The following SYNM variants were observed in gnomAD, a reference collection of about 807,000 sequenced individuals.
SYNM encodes desmuslin.
Under a neutral mutation model 104.0 loss-of-function variants are expected in SYNM, and 95 were observed. The observed-to-expected ratio is 0.91, with a 90% CI of 0.77 to 1.08. The LOEUF (loss-of-function observed/expected upper bound fraction) is 1.08, where lower values mean the gene tolerates loss of function less well. Ranked by LOEUF, SYNM falls within the 50% of genes least tolerant of loss-of-function variation. The pLI is 0.00. For synonymous variants in SYNM, 918 were observed against 869.0 expected, an observed-to-expected ratio of 1.06 and a Z score of -0.99; for missense variants, 2,150 against 2,052.2, an observed-to-expected ratio of 1.05 and a Z score of -0.92.
Position 99,131,205 on chromosome 15 carries a change from C to G in SYNM, c.2845C>G (p.Leu949Val), listed in dbSNP as rs2067502133. The G allele has an allele frequency of 6.2e-7, 1 of 1,609,172 alleles. No homozygotes were observed. The highest frequency in any genetic ancestry group is 8.5e-7 in the Non-Finnish European group (1 of 1,177,840). The change falls in exon 4 of 4, where the codon CTG becomes GTG. Residue 949 changes from leucine to valine, a missense_variant. Leu to Val is a conservative substitution (Grantham distance 32). Coordinates refer to ENST00000336292, the MANE Select transcript of SYNM (RefSeq NM_145728.3). This position sits in a 1 kb window ranked among gnomAD's most constrained non-coding sequence, Gnocchi z 4.3. ...CTCCTCCAAGGAGCCCCGGCAGCAG[C>G]TGGTGGAGGTCATCGGGCAGCTGGA... ...GISSKEPRQQLVEVIGQLEET... is the reference protein window; with the variant it reads ...GISSKEPRQQVVEVIGQLEET...
In SYNM at chr15:99,134,309, C is replaced by T. The variant is rs2067542255; in HGVS notation, c.*1251C>T. ...GGGGGGCGAGAAAGGCCCCCATGCT[C>T]ATGGGCCGCGGAGTGTGGACCTGTA... On this transcript the variant is annotated 3_prime_UTR_variant, in exon 4 of 4. Coordinates refer to ENST00000336292, the MANE Select transcript of SYNM (RefSeq NM_145728.3). 6.6e-6 allele frequency: 1 copy of T among 151,280 alleles called. No individual in the cohort carries two copies. The highest frequency in any genetic ancestry group is 1.5e-5 in the Non-Finnish European group (1 of 67,942). The allele number at this position is 151,280 out of a possible 1,614,324, so 9.4% of individuals were successfully genotyped here. A position where few individuals can be genotyped will look rare whatever the true frequency, so the allele number is the denominator to read the frequency against.
In SYNM at chr15:99,133,061, A is replaced by C; in HGVS notation, c.*3A>C. On this transcript the variant is annotated 3_prime_UTR_variant, in exon 4 of 4. Coordinates refer to ENST00000336292, the MANE Select transcript of SYNM (RefSeq NM_145728.3). ...AGAATGATGGGCATTGGTTTTAATA[A>C]GCAGAAACATTTTGTTTTAATGGCA... 3 of 1,612,552 alleles carry C rather than the reference A, an allele frequency of 1.9e-6. No individual in the cohort carries two copies. Among genetic ancestry groups the C allele is most frequent in the Non-Finnish European group, 2.5e-6 (3 of 1,179,862 alleles).
intron 3 of SYNM, 32 bp downstream of exon 3, chr15:99,126,824 T>G (rs1555485096): frequency 1.3e-6 from 2 of 1,548,434 alleles, no homozygotes; most frequent in African/African-American, 1.4e-5. Flanking sequence ...GACTTAGCTT[T>G]AGGCATCTGA....
chr15:99,128,548 C>T (rs1674699456), intron 3 of SYNM, among the ~76,000 whole-genome samples: 2 of 152,196 alleles, frequency 1.3e-5, no homozygotes, highest in Admixed American at 1.3e-4. Flanking sequence ...AGCCCTGTCC[C>T]CGCTGAGCCA....
rs5030695 is a variant in SYNM at position 99,131,287 on chromosome 15, A to G, written c.2927A>G (p.Gln976Arg). ...EELSALTREG[Q>R]GGPGSVSVDV... ...CTGTCCGCCCTCACCAGAGAGGGGC[A>G]GGGTGGGCCGGGGAGCGTTTCCGTG... Residue 976 changes from glutamine to arginine, a missense_variant, in exon 4 of 4, where the codon CAG becomes CGG. Transcript: ENST00000336292. The surrounding 1 kb of genome is among the most constrained non-coding windows in gnomAD (Gnocchi z 4.3). 0.014 allele frequency: 20,173 copies of G among 1,490,506 alleles called. 465 individuals carry two copies. The highest frequency in any genetic ancestry group is 0.11 in the Admixed American group (6,286 of 57,932). 92.3% of individuals were successfully genotyped at this position (1,490,506 alleles called of 1,614,324 possible). A position where few individuals can be genotyped will look rare whatever the true frequency, so the allele number is the denominator to read the frequency against.
At position 99,130,190 on chromosome 15, in the gene SYNM, G is replaced by A. The variant is rs79282124; in HGVS notation, c.1830G>A (p.Glu610=). The change falls in exon 4 of 4, where the codon GAG becomes GAA. Residue 610 remains glutamate, a synonymous_variant. Transcript: ENST00000336292. ...ATGCTGGTGGTGGGACCGGTAGAGA[G>A]GCAGAAGCAAGAGAGCTACGGTTCA... ...VKDAGGGTGR[E]AEARELRFRL... 257 of 1,613,930 alleles carry A rather than the reference G, an allele frequency of 1.6e-4. No individual in the cohort carries two copies. The African/African-American group carries it at 3.1e-3, about 19-fold the overall frequency.
rs561622976 is a variant in SYNM, at chr15:99,132,452, C to T, written c.4092C>T (p.Thr1364=). Residue 1364 remains threonine (T), a synonymous_variant, in exon 4 of 4, where the codon ACC becomes ACT. Coordinates refer to ENST00000336292, the MANE Select transcript of SYNM (RefSeq NM_145728.3). ...ATHSHTSGRQ[T]VMTEKSTFQS... is the part of the protein sequence containing the mutation. The stretch of plus-strand genomic sequence containing the variant: ...ACAGTCATACCTCGGGTAGACAAAC[C>T]GTTATGACTGAAAAGAGCACCTTCC... 1.3e-5 allele frequency: 21 copies of T among 1,613,860 alleles called. No individual in the cohort carries two copies. Among genetic ancestry groups the T allele is most frequent in the Admixed American group, 1.7e-5 (1 of 60,002 alleles).
chr15:99,132,769 A>C lies in SYNM; in HGVS notation c.4409A>C (p.Glu1470Ala). Reference sequence around the variant, plus strand: ...TTTCAGATGGATGTGAGTAACGTAGAGGCGATCCGCAGCCGGACACAGGAA... The same window carrying C: ...TTTCAGATGGATGTGAGTAACGTAGCGGCGATCCGCAGCCGGACACAGGAA... ...FTFQMDVSNV[E>A]AIRSRTQEAG... Residue 1470 changes from glutamate to alanine, a missense_variant, in exon 4 of 4, where the codon GAG becomes GCG. Coordinates refer to ENST00000336292, the MANE Select transcript of SYNM (RefSeq NM_145728.3). 6.2e-7 allele frequency: 1 copy of C among 1,613,890 alleles called. No individual in the cohort carries two copies. The highest frequency in any genetic ancestry group is 8.5e-7 in the Non-Finnish European group (1 of 1,179,866).
chr15:99,113,184 T>C (rs2067315761), intron 1 of SYNM, among the ~76,000 whole-genome samples: 1 of 152,206 alleles, frequency 6.6e-6, no homozygotes, highest in Non-Finnish European at 1.5e-5. Context: ...CAATTCTGAG[T>C]GACTTATGTT....
intron 1 of SYNM, among the ~76,000 whole-genome samples, chr15:99,107,085 A>G (rs2067252718): frequency 6.6e-6 from 1 of 152,248 alleles, no homozygotes; most frequent in South Asian, 2.1e-4. Context: ...GACTTTCAGT[A>G]TGCAAAGAGC....
chr15:99,113,862 G>A, intron 2 of SYNM, 147 bp downstream of exon 2: 1 of 1,270,658 alleles, frequency 7.9e-7, no homozygotes, highest in Admixed American at 2.6e-5. Flanking sequence ...GCCAGGCAAG[G>A]AGTCCGAGGC....
intron 1 of SYNM, among the ~76,000 whole-genome samples, chr15:99,108,567 A>G (rs2067270816): frequency 1.3e-5 from 2 of 152,196 alleles, no homozygotes; most frequent in South Asian, 4.1e-4. Context: ...TAAATATCTT[A>G]TTACTAAGAG....
intron 1 of SYNM, among the ~76,000 whole-genome samples, chr15:99,112,689 G>A (rs1345062300): frequency 3.9e-5 from 6 of 152,124 alleles, no homozygotes; most frequent in African/African-American, 1.2e-4. Context: ...GTGCAATTAC[G>A]GTTCATAAAG....
At chr15:99,137,991 C>G (rs997627303), downstream of SYNM, 1 of 1,613,994 alleles carries the variant, frequency 6.2e-7, no homozygotes, top group Non-Finnish European at 8.5e-7. Context: ...ATGTCCTAGG[C>G]TTTTTCAGGG....
intron 3 of SYNM, among the ~76,000 whole-genome samples, chr15:99,128,528 G>A (rs1276285091): frequency 6.6e-6 from 1 of 152,206 alleles, no homozygotes; most frequent in African/African-American, 2.4e-5. Context: ...GCTCCATAAG[G>A]GAGAGAGAAA....
In SYNM at chr15:99,129,819, A is replaced by C; in HGVS notation, c.1459A>C (p.Thr487Pro). 1 of 1,613,772 alleles carries C rather than the reference A, an allele frequency of 6.2e-7. No homozygotes were observed. Among genetic ancestry groups the C allele is most frequent in the Non-Finnish European group, 8.5e-7 (1 of 1,179,822 alleles). The change falls in exon 4 of 4, where the codon ACA becomes CCA. Residue 487 changes from threonine to proline, a missense_variant. Thr to Pro is a conservative substitution (Grantham distance 38, BLOSUM62 -1). Transcript: ENST00000336292. ...GGTGGCAGCAGGTGCTTCGGAAAGC[A>C]CACGGTCAAATGAGAGGACCGTCAT... ...DKVAAGASES[T>P]RSNERTVILG... is the part of the protein sequence containing the mutation.
chr15:99,106,457 A>G (rs558525607), intron 1 of SYNM, among the ~76,000 whole-genome samples: 1 of 152,320 alleles, frequency 6.6e-6, no homozygotes, highest in East Asian at 1.9e-4. Flanking sequence ...GGAAAACTCA[A>G]ATTAATTTCC....
intron 2 of SYNM, among the ~76,000 whole-genome samples, chr15:99,125,688 T>A (rs1345019270): frequency 1.3e-5 from 2 of 152,228 alleles, no homozygotes; most frequent in African/African-American, 4.8e-5. Flanking sequence ...TGTGCCCAGC[T>A]CTCAGCCATA....
chr15:99,105,707 G>A lies in SYNM; in HGVS notation c.508G>A (p.Ala170Thr). Residue 170 changes from alanine to threonine, a missense_variant, in exon 1 of 4, where the codon GCC becomes ACC. By Grantham distance (58) the Ala-to-Thr change is moderately conservative. Transcript: ENST00000336292. ...ASLTMHFRAR[A>T]TGPAAPPPRL... ...CCTTACCATGCATTTCCGCGCCCGC[G>A]CCACCGGCCCCGCCGCGCCGCCGCC... The A allele has an allele frequency of 2.7e-6, 4 of 1,488,644 alleles. No homozygotes were observed. Among genetic ancestry groups the A allele is most frequent in the Admixed American group, 2.3e-5 (1 of 43,966 alleles). The allele number at this position is 1,488,644 out of a possible 1,614,324, so 92.2% of individuals were successfully genotyped here.
Sources: allele counts gnomAD v4.1 joint callset (sites outside exome capture counted in the v4.1 genomes callset), GRCh38; gene constraint gnomAD v4.1.1; non-coding constraint Gnocchi (gnomAD v3.1); transcripts MANE v1.5; gene names NCBI Gene and HGNC (gene_info 2026-07-23, HGNC 2026-07-21).